The following NFIB variants were observed in gnomAD, a reference collection of about 807,000 sequenced individuals.
NFIB encodes the protein nuclear factor 1 B-type.
NFIB carries 11 observed loss-of-function variants against 61.5 expected under a neutral mutation model. That is an observed-to-expected ratio of 0.18 (90% confidence interval 0.11 to 0.30). The LOEUF (loss-of-function observed/expected upper bound fraction) is 0.30. Among genes scored for constraint, NFIB ranks in the 10% least tolerant of loss-of-function variants. The pLI is 1.00. For synonymous variants in NFIB, 260 were observed against 216.5 expected, an observed-to-expected ratio of 1.20 and a Z score of -1.76; for missense variants, 471 against 608.9, an observed-to-expected ratio of 0.77 and a Z score of 2.38.
chr9:14,186,293 C>T (rs1282183087), intron 2 of NFIB, among the ~76,000 whole-genome samples: 1 of 152,092 alleles, frequency 6.6e-6, no homozygotes. Context: ...CTTAGTCATC[C>T]TGTGATAAAG....
chr9:14,112,560 C>T (rs1304690369), intron 10 of NFIB, among the ~76,000 whole-genome samples: 2 of 152,142 alleles, frequency 1.3e-5, no homozygotes, highest in South Asian at 2.1e-4. Context: ...CGTAACTCAT[C>T]GTCTTGGACT....
At chr9:14,116,486 G>A (rs781550562) in intron 8 of NFIB, 140 bp from the exon 9 acceptor site, 13 of 793,522 alleles carry the variant, frequency 1.6e-5, no homozygotes, top group South Asian at 4.0e-5. Flanking sequence ...AGTCGGAGTC[G>A]GAGAGGCCAG....
chr9:14,151,603 C>T (rs543740227), intron 4 of NFIB, among the ~76,000 whole-genome samples: 4 of 152,062 alleles, frequency 2.6e-5, no homozygotes, highest in East Asian at 1.9e-4. Context: ...AAGAAGTCTG[C>T]GAAAAGCCAT....
chr9:14,104,974 A>C (rs925869911), intron 10 of NFIB, among the ~76,000 whole-genome samples: 3 of 152,116 alleles, frequency 2.0e-5, no homozygotes, highest in African/African-American at 7.2e-5. Context: ...GGGGAATCTA[A>C]ATACCACTCA....
chr9:14,235,079 T>C (rs1202161471), intron 2 of NFIB, among the ~76,000 whole-genome samples: 1 of 152,176 alleles, frequency 6.6e-6, no homozygotes, highest in Non-Finnish European at 1.5e-5. Context: ...TATATGCCTA[T>C]AGAGGATAAT....
At chr9:14,204,725 A>T (rs2049443031) in intron 2 of NFIB, 1 of 585,074 alleles carries the variant, frequency 1.7e-6, no homozygotes, top group African/African-American at 1.9e-5. Flanking sequence ...TGCATACAAC[A>T]TGGATCCCAT....
intron 2 of NFIB, among the ~76,000 whole-genome samples, chr9:14,226,549 G>GAAAAAAAAAAAAAAAAAAAAAAAAAA (rs79951404): frequency 1.1e-5 from 1 of 89,378 alleles, no homozygotes; most frequent in Admixed American, 1.2e-4. Context: ...CCCTATCTCA[G>GAAAAAAAAAAAAAAAAAAAAAAAAAA]AAAAAAAAAA....
intron 1 of NFIB, among the ~76,000 whole-genome samples, chr9:14,374,534 G>T (rs973667333): frequency 6.6e-6 from 1 of 152,212 alleles, no homozygotes; most frequent in Admixed American, 6.5e-5. Flanking sequence ...ACAAAGGAGA[G>T]AAACTTTTTT....
the NFIB span, among the ~76,000 whole-genome samples, chr9:14,420,432 C>T: frequency 6.9e-4 from 52 of 74,970 alleles, no homozygotes; most frequent in African/African-American, 2.7e-3. Flanking sequence ...GGCAACAGAG[C>T]GAGACTCCGT....
chr9:14,255,159 G>T (rs1273452290), intron 2 of NFIB, among the ~76,000 whole-genome samples: 1 of 152,174 alleles, frequency 6.6e-6, no homozygotes, highest in Non-Finnish European at 1.5e-5. Flanking sequence ...GGAGTTCGAG[G>T]CTGCAGTGAG....
chr9:14,386,626 G>C (rs1440583793), intron 1 of NFIB, among the ~76,000 whole-genome samples: 1 of 146,576 alleles, frequency 6.8e-6, no homozygotes, highest in African/African-American at 2.5e-5. Flanking sequence ...AAATCAATCA[G>C]TGTTATTATT....
chr9:14,086,780 G>GT lies in NFIB; in HGVS notation c.*1528dup, dbSNP rs770203746. On this transcript the variant is annotated 3_prime_UTR_variant, in exon 11 of 11. Coordinates refer to ENST00000380953, the MANE Select transcript of NFIB (RefSeq NM_001190737.2). ...TGATGTCACTTTGTTGTATTTTTTT[G>GT]TTTTTTTTTTTTTGTTTTTTGTTTT... The GT allele has an allele frequency of 0.046, 7,425 of 160,988 alleles. 6 individuals are homozygous for GT. The highest frequency in any genetic ancestry group is 0.12 in the East Asian group (1,107 of 8,884). 10.0% of individuals were successfully genotyped at this position (160,988 alleles called of 1,614,324 possible). A position where few individuals can be genotyped will look rare whatever the true frequency, so the allele number is the denominator to read the frequency against.
At chr9:14,510,449 A>C in the NFIB span, among the ~76,000 whole-genome samples, 1 of 152,222 alleles carries the variant, frequency 6.6e-6, no homozygotes, top group African/African-American at 2.4e-5. Context: ...TGTGTGTATG[A>C]CAAAAGTTTT....
intron 2 of NFIB, among the ~76,000 whole-genome samples, chr9:14,231,134 AAAT>A (rs1317854290): frequency 0.011 from 844 of 73,920 alleles, 7 homozygotes; most frequent in African/African-American, 0.045. Flanking sequence ...AAAAAAAAAA[AAAT>A]ATATATATAT....
intron 2 of NFIB, among the ~76,000 whole-genome samples, chr9:14,240,844 C>G (rs536196880): frequency 5.3e-4 from 80 of 152,336 alleles, no homozygotes; most frequent in African/African-American, 1.9e-3. Context: ...AGCAGACAAA[C>G]TCTCTAGCTT....
chr9:14,439,746 C>A, the NFIB span, among the ~76,000 whole-genome samples: 1 of 152,080 alleles, frequency 6.6e-6, no homozygotes, highest in Admixed American at 6.5e-5. Context: ...AGGGTCCGGA[C>A]AGGTGGTTCC....
At chr9:14,445,287 T>C in the NFIB span, among the ~76,000 whole-genome samples, 9 of 152,152 alleles carry the variant, frequency 5.9e-5, no homozygotes, top group Non-Finnish European at 7.4e-5. Context: ...TTTTAATCAT[T>C]TCTATTTTTT....
At chr9:14,374,207 C>T (rs2061390962) in intron 1 of NFIB, among the ~76,000 whole-genome samples, 1 of 152,166 alleles carries the variant, frequency 6.6e-6, no homozygotes, top group Non-Finnish European at 1.5e-5. Context: ...TTTGTTTCTT[C>T]TTTCCTTTCT....
the NFIB span, among the ~76,000 whole-genome samples, chr9:14,485,993 T>C: frequency 6.6e-6 from 1 of 152,072 alleles, no homozygotes; most frequent in Non-Finnish European, 1.5e-5. Context: ...AATAGTGCTA[T>C]AAGTAGAGGA....
Sources: gnomAD v4.1 joint callset for allele counts (sites outside exome capture counted in the v4.1 genomes callset) on GRCh38, gnomAD v4.1.1 for gene constraint, MANE v1.5 for transcripts, NCBI Gene and HGNC (gene_info 2026-07-23, HGNC 2026-07-21) for gene names.